The following RASEF variants were observed in gnomAD, a reference collection of about 807,000 sequenced individuals.
RASEF encodes RAS and EF-hand domain containing.
Under a neutral mutation model 90.1 loss-of-function variants are expected in RASEF, and 68 were observed. The observed-to-expected ratio is 0.75, with a 90% confidence interval of 0.62 to 0.92. The LOEUF is 0.92. Among genes scored for constraint, RASEF ranks in the 40% least tolerant of loss-of-function variants. The pLI is 0.00. For synonymous variants in RASEF, 331 were observed against 345.2 expected, an observed-to-expected ratio of 0.96 and a Z score of 0.46; for missense variants, 949 against 937.2, an observed-to-expected ratio of 1.01 and a Z score of -0.16.
Position 83,001,148 on chromosome 9 carries a change from G to C in RASEF, c.1203-18C>G, listed in dbSNP as rs1478706363. The C allele has an allele frequency of 5.7e-6, 9 of 1,579,164 alleles. No individual in the cohort carries two copies. Among genetic ancestry groups the C allele is most frequent in the Non-Finnish European group, 7.8e-6 (9 of 1,149,872 alleles). On this transcript the variant is annotated intron_variant, in intron 9 of 16. Transcript: ENST00000376447. ...GGGATGACCTGGTAATAAAGGGGAA[G>C]ACCAATTTACCTGAGGGCTGGAAAT...
chr9:83,016,611 T>C (rs1280373435), intron 3 of RASEF, among the ~76,000 whole-genome samples: 1 of 152,188 alleles, frequency 6.6e-6, no homozygotes, highest in Non-Finnish European at 1.5e-5. Flanking sequence ...CCAATGGTTC[T>C]AAGGGACTGG....
the RASEF span, among the ~76,000 whole-genome samples, chr9:83,157,947 A>T: frequency 6.6e-6 from 1 of 152,242 alleles, no homozygotes; most frequent in East Asian, 1.9e-4. Context: ...TATAATAGTT[A>T]TTGCAAGAAC....
At chr9:83,099,114 T>G in the RASEF span, among the ~76,000 whole-genome samples, 2 of 152,230 alleles carry the variant, frequency 1.3e-5, no homozygotes, top group African/African-American at 4.8e-5. Context: ...ATTTATTATA[T>G]GTTCTATCTA....
At chr9:83,121,621 C>A in the RASEF span, among the ~76,000 whole-genome samples, 1 of 152,126 alleles carries the variant, frequency 6.6e-6, no homozygotes, top group African/African-American at 2.4e-5. Context: ...CCCCTGCAGC[C>A]TGAATTATTC....
chr9:83,040,766 T>C (rs1829824715), intron 1 of RASEF, among the ~76,000 whole-genome samples: 1 of 152,236 alleles, frequency 6.6e-6, no homozygotes, highest in Non-Finnish European at 1.5e-5. Flanking sequence ...ACGTTTTGTT[T>C]ACAGTTAAAT....
At chr9:83,178,391 G>A in the RASEF span, among the ~76,000 whole-genome samples, 1 of 152,016 alleles carries the variant, frequency 6.6e-6, no homozygotes, top group Non-Finnish European at 1.5e-5. Flanking sequence ...CACTATTCCA[G>A]CCACTCCCAG....
At chr9:83,215,002 A>T in the RASEF span, among the ~76,000 whole-genome samples, 1 of 151,766 alleles carries the variant, frequency 6.6e-6, no homozygotes, top group South Asian at 2.1e-4. Flanking sequence ...CAGGCTCCAG[A>T]GCAGACCAGC....
At chr9:83,208,545 C>T in the RASEF span, among the ~76,000 whole-genome samples, 1 of 152,190 alleles carries the variant, frequency 6.6e-6, no homozygotes, top group African/African-American at 2.4e-5. Context: ...GGAAACATCT[C>T]ATCCTCACTG....
At position 82,982,633 on chromosome 9, in the gene RASEF, G is replaced by T; in HGVS notation, c.*44C>A. 1 of 1,053,032 alleles carries T rather than the reference G, an allele frequency of 9.5e-7. No individual in the cohort carries two copies. The highest frequency in any genetic ancestry group is 1.5e-6 in the Non-Finnish European group (1 of 668,222). 65.2% of individuals were successfully genotyped at this position (1,053,032 alleles called of 1,614,324 possible). ...GAGCCAAATAAGTCACACAAATTCAGTATTCTGGAAATGAAGACTTCACAG... is the reference window on the plus strand; with the variant it reads ...GAGCCAAATAAGTCACACAAATTCATTATTCTGGAAATGAAGACTTCACAG... On this transcript the variant is annotated 3_prime_UTR_variant, in exon 17 of 17. Coordinates refer to ENST00000376447, the MANE Select transcript of RASEF (RefSeq NM_152573.4).
At chr9:83,004,425 C>T in intron 9 of RASEF, 73 bp downstream of exon 9, 1 of 815,632 alleles carries the variant, frequency 1.2e-6, no homozygotes, top group Non-Finnish European at 2.0e-6. Context: ...TTTTAATCCA[C>T]CTCCAAGGAA....
rs767289577 is a variant in RASEF, at chr9:83,036,678, C to T, written c.432-10757G>A. ...AAGGAGACATGACAACAAAATGGAA[C>T]GTGGTGTCCTAAATGGATGCTGGAA... On this transcript the variant is annotated intron_variant, in intron 1 of 16. Transcript: ENST00000376447. Among the ~76,000 whole-genome samples the T allele has an allele frequency of 7.2e-5, 11 of 152,028 alleles. 1 individual carries two copies. The highest frequency in any genetic ancestry group is 1.4e-4 in the African/African-American group (6 of 41,398).
Position 83,062,771 on chromosome 9 carries a change from ACTCCTCGCGCTCCAGG to A in RASEF, c.81_96del (p.Leu28SerfsTer130). 1 of 1,560,076 alleles carries A rather than the reference ACTCCTCGCGCTCCAGG, an allele frequency of 6.4e-7. No homozygotes were observed. Among genetic ancestry groups the A allele is most frequent in the African/African-American group, 1.4e-5 (1 of 72,944 alleles). On this transcript the variant is annotated frameshift_variant, in exon 1 of 17. Coordinates refer to ENST00000376447, the MANE Select transcript of RASEF (RefSeq NM_152573.4). LOFTEE classifies it high-confidence loss of function. Reference sequence around the variant, plus strand: ...CGCAGCTCCGTGCACAGTGCCCGGAACTCCTCGCGCTCCAGGCGCCCCGAGCGGTTCGCGTCGCAGG... The same window carrying A: ...CGCAGCTCCGTGCACAGTGCCCGGAACGCCCCGAGCGGTTCGCGTCGCAGG...
At chr9:83,076,378 T>C in the RASEF span, among the ~76,000 whole-genome samples, 1 of 152,138 alleles carries the variant, frequency 6.6e-6, no homozygotes, top group South Asian at 2.1e-4. Flanking sequence ...TCCTTGATTT[T>C]GCAAGTCTTT....
At chr9:83,151,043 ATAT>A in the RASEF span, among the ~76,000 whole-genome samples, 1 of 152,192 alleles carries the variant, frequency 6.6e-6, no homozygotes, top group Non-Finnish European at 1.5e-5. Flanking sequence ...TGAAGCTGGT[ATAT>A]TATTAATACT....
chr9:83,213,974 A>G, the RASEF span, among the ~76,000 whole-genome samples: 1 of 152,146 alleles, frequency 6.6e-6, no homozygotes, highest in African/African-American at 2.4e-5. Flanking sequence ...AATCCCAGCT[A>G]TTTGAGAGGC....
At chr9:83,155,031 G>T in the RASEF span, among the ~76,000 whole-genome samples, 2 of 152,182 alleles carry the variant, frequency 1.3e-5, no homozygotes, top group Non-Finnish European at 2.9e-5. Context: ...CCTCTTGTGG[G>T]TTAGTAAGAA....
At chr9:83,186,975 C>T in the RASEF span, among the ~76,000 whole-genome samples, 8 of 152,096 alleles carry the variant, frequency 5.3e-5, no homozygotes, top group Non-Finnish European at 1.2e-4. Flanking sequence ...CCCAGAGCCT[C>T]GCCTGCTCCA....
At chr9:83,013,201 GAACAACAAC>G (rs201832525) in intron 4 of RASEF, among the ~76,000 whole-genome samples, 3 of 151,796 alleles carry the variant, frequency 2.0e-5, no homozygotes, top group East Asian at 1.9e-4. Flanking sequence ...ATAACCTGGA[GAACAACAAC>G]AACAACAACA....
chr9:82,989,048 C>T (rs1462209624), intron 16 of RASEF, among the ~76,000 whole-genome samples: 4 of 152,112 alleles, frequency 2.6e-5, no homozygotes, highest in African/African-American at 4.8e-5. Context: ...CATCTGCCAA[C>T]CCTGCCACAA....
Sources: allele counts gnomAD v4.1 joint callset (sites outside exome capture counted in the v4.1 genomes callset), GRCh38; gene constraint gnomAD v4.1.1; transcripts MANE v1.5; gene names NCBI Gene and HGNC (gene_info 2026-07-23, HGNC 2026-07-21).